The following PIGL variants were observed in gnomAD, a reference collection of about 807,000 sequenced individuals.
PIGL encodes N-acetylglucosaminyl-phosphatidylinositol de-N-acetylase.
PIGL carries 22 observed loss-of-function variants against 31.1 expected under a neutral mutation model. The ratio of observed to expected loss-of-function variants is 0.71; its 90% CI spans 0.51 to 1.01. The LOEUF (loss-of-function observed/expected upper bound fraction) is 1.01, where lower values mean the gene tolerates loss of function less well. Ranked by LOEUF, PIGL falls within the 50% of genes least tolerant of loss-of-function variation. The pLI, the probability that PIGL is intolerant of heterozygous loss-of-function variation, is 0.00. For synonymous variants in PIGL, 131 were observed against 117.4 expected, an observed-to-expected ratio of 1.12 and a Z score of -0.75; for missense variants, 302 against 315.9, an observed-to-expected ratio of 0.96 and a Z score of 0.33.
chr17:16,255,832 T>C (rs1451438150), intron 2 of PIGL, among the ~76,000 whole-genome samples: 1 of 152,220 alleles, frequency 6.6e-6, no homozygotes, highest in East Asian at 1.9e-4. Flanking sequence ...GGCAGGGCTC[T>C]GGTTCTCCCA....
intron 2 of PIGL, chr17:16,281,939 C>A (rs1373308470): frequency 2.3e-5 from 10 of 430,124 alleles, no homozygotes; most frequent in African/African-American, 1.8e-4. Flanking sequence ...ACCTGTAAGA[C>A]CCATCCTCAG....
rs375132650 is a variant in PIGL, at chr17:16,244,814, A to G, written c.335+10744A>G. Among the ~76,000 whole-genome samples the G allele has an allele frequency of 1.7e-4, 26 of 152,168 alleles. No individual in the cohort carries two copies. In the East Asian group the frequency reaches 4.1e-3, roughly 24 times the overall value. On this transcript the variant is annotated intron_variant, in intron 2 of 6. Coordinates refer to ENST00000225609, the MANE Select transcript of PIGL (RefSeq NM_004278.4). ...CTCAGTCTCCCGAGTAGCTGGGACT[A>G]CAGGCACACGTCACCACATCTAGCT...
At chr17:16,250,545 C>G (rs1187292760) in intron 2 of PIGL, among the ~76,000 whole-genome samples, 1 of 152,138 alleles carries the variant, frequency 6.6e-6, no homozygotes, top group Non-Finnish European at 1.5e-5. Context: ...GTCTTTCAGC[C>G]TCTCATCTCC....
chr17:16,270,693 T>G lies in PIGL; in HGVS notation c.336-29195T>G, dbSNP rs1262967187. ...AGGCGGATCACCTGAGGCTAGGAGT[T>G]TGAGACCAGCCTGGCCGACATGGTG... On this transcript the variant is annotated intron_variant, in intron 2 of 6. Transcript: ENST00000225609. Among the ~76,000 whole-genome samples the G allele has an allele frequency of 3.3e-5, 5 of 151,914 alleles. No homozygotes were observed. The East Asian group carries it at 9.7e-4, about 29-fold the overall frequency.
chr17:16,240,924 G>A (rs142264749), intron 2 of PIGL, among the ~76,000 whole-genome samples: 4,086 of 151,768 alleles, frequency 0.027, 179 homozygotes, highest in African/African-American at 0.094. Flanking sequence ...AGACCAGCCT[G>A]ACCAACATGG....
chr17:16,312,594 A>G (rs1414228791), intron 3 of PIGL: 1 of 166,676 alleles, frequency 6.0e-6, no homozygotes, highest in Non-Finnish European at 1.3e-5. Context: ...GGTTGTAGCT[A>G]GCCGAGATCA....
At chr17:16,260,450 A>C (rs1466081682) in intron 2 of PIGL, among the ~76,000 whole-genome samples, 3 of 152,206 alleles carry the variant, frequency 2.0e-5, no homozygotes, top group Non-Finnish European at 2.9e-5. Context: ...GGCAGACAAC[A>C]GGAAGACCTG....
At chr17:16,257,844 C>T (rs2092800847) in intron 2 of PIGL, among the ~76,000 whole-genome samples, 1 of 151,992 alleles carries the variant, frequency 6.6e-6, no homozygotes, top group South Asian at 2.1e-4. Context: ...GCGGGCGGAT[C>T]ACTTGAGGTC....
At chr17:16,263,095 G>C (rs935892878) in intron 2 of PIGL, among the ~76,000 whole-genome samples, 1 of 5,954 alleles carries the variant, frequency 1.7e-4, no homozygotes, top group African/African-American at 1.9e-4. Flanking sequence ...GGTTTATTTG[G>C]GGGGGGGGGA....
intron 2 of PIGL, among the ~76,000 whole-genome samples, chr17:16,263,319 C>A (rs1251939080): frequency 6.6e-6 from 1 of 151,744 alleles, no homozygotes; most frequent in Non-Finnish European, 1.5e-5. Flanking sequence ...GCTGGGACTA[C>A]AGGCACACAC....
At chr17:16,251,651 C>T (rs1378747728) in intron 2 of PIGL, among the ~76,000 whole-genome samples, 5 of 149,888 alleles carry the variant, frequency 3.3e-5, no homozygotes, top group African/African-American at 1.2e-4. Flanking sequence ...GGACTTTTGG[C>T]AACTTTACCC....
chr17:16,290,797 C>T (rs1407117157), intron 2 of PIGL, among the ~76,000 whole-genome samples: 1 of 152,108 alleles, frequency 6.6e-6, no homozygotes, highest in African/African-American at 2.4e-5. Context: ...CCTCCTGCCT[C>T]AGCCTCCCAA....
intron 2 of PIGL, among the ~76,000 whole-genome samples, chr17:16,281,700 G>T (rs2092917176): frequency 6.6e-6 from 1 of 152,214 alleles, no homozygotes; most frequent in Non-Finnish European, 1.5e-5. Context: ...CTACATCTAA[G>T]AAATATTAAT....
intron 2 of PIGL, among the ~76,000 whole-genome samples, chr17:16,246,879 C>T (rs898578691): frequency 1.3e-5 from 2 of 150,144 alleles, no homozygotes; most frequent in Admixed American, 6.7e-5. Flanking sequence ...TTAGTAGAGA[C>T]GGGGTTTCAC....
At chr17:16,300,170 C>A in intron 3 of PIGL, 192 bp downstream of exon 3, 1 of 570,484 alleles carries the variant, frequency 1.8e-6, no homozygotes, top group Non-Finnish European at 3.1e-6. Flanking sequence ...GATATCTTTA[C>A]GATCTTGTGT....
At chr17:16,269,477 G>T (rs778022692) in intron 2 of PIGL, among the ~76,000 whole-genome samples, 1 of 151,792 alleles carries the variant, frequency 6.6e-6, no homozygotes, top group Non-Finnish European at 1.5e-5. Context: ...GTGAAACCCC[G>T]TCTCTACTAA....
chr17:16,241,759 C>A (rs1161782492), intron 2 of PIGL, among the ~76,000 whole-genome samples: 3 of 152,004 alleles, frequency 2.0e-5, no homozygotes, highest in Non-Finnish European at 4.4e-5. Flanking sequence ...CAGTATTAAA[C>A]AAAATTAGCA....
chr17:16,235,928 C>G (rs1009188291), intron 2 of PIGL, among the ~76,000 whole-genome samples: 4 of 151,994 alleles, frequency 2.6e-5, no homozygotes, highest in Non-Finnish European at 5.9e-5. Context: ...CAATGACTCC[C>G]TTTATTTTAA....
intron 2 of PIGL, among the ~76,000 whole-genome samples, chr17:16,276,786 A>G (rs953095654): frequency 1.3e-5 from 2 of 152,214 alleles, no homozygotes; most frequent in Non-Finnish European, 2.9e-5. Context: ...CATGCGTACC[A>G]TAGTTTTTGA....
Sources: allele counts gnomAD v4.1 joint callset (sites outside exome capture counted in the v4.1 genomes callset), GRCh38; gene constraint gnomAD v4.1.1; transcripts MANE v1.5; gene names NCBI Gene and HGNC (gene_info 2026-07-23, HGNC 2026-07-21).